Variants in NEGR1 observed in about 807,000 individuals in gnomAD.
The protein encoded by NEGR1 is neuronal growth regulator 1.
A neutral mutation model predicts 40.9 loss-of-function variants in NEGR1; 10 were observed. That is an observed-to-expected ratio of 0.24 (90% CI 0.15 to 0.42). The LOEUF (loss-of-function observed/expected upper bound fraction) is 0.42, where lower values mean the gene tolerates loss of function less well. Among genes scored for constraint, NEGR1 ranks in the 10% least tolerant of loss-of-function variants. The pLI is 1.00. For missense variants in NEGR1, 352 were observed against 438.9 expected, an observed-to-expected ratio of 0.80 and a Z score of 1.77; for synonymous variants, 185 against 166.8, an observed-to-expected ratio of 1.11 and a Z score of -0.84.
intron 6 of NEGR1, among the ~76,000 whole-genome samples, chr1:71,467,309 T>C (rs193180602): frequency 6.6e-6 from 1 of 152,126 alleles, no homozygotes; most frequent in African/African-American, 2.4e-5. Context: ...TTTGCTAAAG[T>C]AGATGTCATT....
chr1:72,013,975 A>T (rs1199527891), intron 1 of NEGR1, among the ~76,000 whole-genome samples: 1 of 138,120 alleles, frequency 7.2e-6, no homozygotes, highest in South Asian at 2.2e-4. Context: ...AAAAAAAAAA[A>T]AAAAAAAAAA....
intron 1 of NEGR1, among the ~76,000 whole-genome samples, chr1:72,142,564 T>TAGAC (rs1210472175): frequency 6.0e-5 from 9 of 150,524 alleles, no homozygotes; most frequent in South Asian, 2.1e-4. Flanking sequence ...GATAGATAGA[T>TAGAC]AGACAGATAG....
At chr1:71,967,247 C>T (rs893423306) in intron 1 of NEGR1, among the ~76,000 whole-genome samples, 35 of 152,030 alleles carry the variant, frequency 2.3e-4, no homozygotes, top group African/African-American at 8.2e-4. Flanking sequence ...CAAATAAATG[C>T]CACAACTCTG....
intron 4 of NEGR1, among the ~76,000 whole-genome samples, chr1:71,695,647 A>G (rs1025276184): frequency 7.9e-5 from 12 of 151,832 alleles, no homozygotes; most frequent in Non-Finnish European, 1.2e-4. Context: ...GAATGTCTTC[A>G]GGCTCTACCT....
At chr1:72,139,520 C>G in intron 1 of NEGR1, among the ~76,000 whole-genome samples, 2 of 152,024 alleles carry the variant, frequency 1.3e-5, no homozygotes, top group South Asian at 4.2e-4. Context: ...TTTATGCCAA[C>G]AAATTTAACA....
intron 4 of NEGR1, among the ~76,000 whole-genome samples, chr1:71,630,377 G>A (rs949616278): frequency 3.3e-5 from 5 of 151,892 alleles, no homozygotes; most frequent in African/African-American, 9.7e-5. Flanking sequence ...TTGGTAAAGT[G>A]TTAAATGGGG....
chr1:71,958,798 A>C (rs1048365023), intron 1 of NEGR1, among the ~76,000 whole-genome samples: 16 of 151,312 alleles, frequency 1.1e-4, no homozygotes, highest in Non-Finnish European at 1.0e-4. Flanking sequence ...TTAAAAATAC[A>C]AAAAAAATGA....
At chr1:71,531,913 A>AT (rs1647368335) in intron 6 of NEGR1, among the ~76,000 whole-genome samples, 1 of 150,170 alleles carries the variant, frequency 6.7e-6, no homozygotes, top group African/African-American at 2.5e-5. Context: ...TTTGAGATAG[A>AT]ATTTTTTTTT....
chr1:71,983,260 C>T (rs1646368795), intron 1 of NEGR1, among the ~76,000 whole-genome samples: 2 of 152,092 alleles, frequency 1.3e-5, no homozygotes, highest in South Asian at 4.2e-4. Context: ...TATTATGAAA[C>T]TTAATAAATA....
intron 1 of NEGR1, among the ~76,000 whole-genome samples, chr1:72,053,113 G>T (rs919639886): frequency 1.3e-5 from 2 of 151,290 alleles, no homozygotes; most frequent in Admixed American, 1.3e-4. Flanking sequence ...CAAATTTGTA[G>T]TCAGGACACA....
intron 1 of NEGR1, among the ~76,000 whole-genome samples, chr1:71,994,464 C>G (rs1200542506): frequency 6.6e-6 from 1 of 151,616 alleles, no homozygotes; most frequent in Non-Finnish European, 1.5e-5. Flanking sequence ...GGAGGCGGAG[C>G]TTGCAGTGAG....
chr1:72,126,704 G>A (rs892164610), intron 1 of NEGR1, among the ~76,000 whole-genome samples: 3 of 152,080 alleles, frequency 2.0e-5, no homozygotes, highest in African/African-American at 7.2e-5. Context: ...TTTTCATAAA[G>A]ACTGACAGTA....
intron 6 of NEGR1, among the ~76,000 whole-genome samples, chr1:71,410,305 C>T (rs552362624): frequency 3.0e-4 from 45 of 152,074 alleles, no homozygotes; most frequent in East Asian, 2.7e-3. Flanking sequence ...AGTTAGTCAC[C>T]ATAATGTGAG....
At chr1:71,664,739 T>A (rs1466185331) in intron 4 of NEGR1, among the ~76,000 whole-genome samples, 4 of 152,042 alleles carry the variant, frequency 2.6e-5, no homozygotes, top group Middle Eastern at 3.4e-3. Flanking sequence ...AAAAAAAATA[T>A]ATATCTCTTT....
At chr1:71,688,977 T>C (rs540780520) in intron 4 of NEGR1, among the ~76,000 whole-genome samples, 39 of 152,266 alleles carry the variant, frequency 2.6e-4, no homozygotes, top group South Asian at 8.3e-4. Flanking sequence ...GTGACTGAGC[T>C]AAGATTAAAA....
chr1:71,886,605 G>A (rs1055211467), intron 2 of NEGR1, among the ~76,000 whole-genome samples: 2 of 152,084 alleles, frequency 1.3e-5, no homozygotes, highest in African/African-American at 4.8e-5. Context: ...CCATCAGTCT[G>A]CTTCTGAAAC....
At position 71,637,916 on chromosome 1, in the gene NEGR1, C is replaced by T. The variant is rs114532664; in HGVS notation, c.668-26770G>A. On this transcript the variant is annotated intron_variant, in intron 4 of 6. Coordinates refer to ENST00000357731, the MANE Select transcript of NEGR1 (RefSeq NM_173808.3). ...ATAATTAATCTATACTAAGCATATACTATTTGCCAAAACAGCACTAAATTC... is the reference window on the plus strand; with the variant it reads ...ATAATTAATCTATACTAAGCATATATTATTTGCCAAAACAGCACTAAATTC... 8.3e-3 allele frequency among the ~76,000 whole-genome samples: 1,257 copies of T among 152,128 alleles called. 12 individuals carry two copies. Among genetic ancestry groups the T allele is most frequent in the African/African-American group, 0.029 (1,193 of 41,538 alleles).
chr1:71,712,297 C>A (rs977454692), intron 3 of NEGR1, among the ~76,000 whole-genome samples: 1 of 152,178 alleles, frequency 6.6e-6, no homozygotes, highest in African/African-American at 2.4e-5. Context: ...TCCTAAGAAA[C>A]CACATCAAAA....
Position 72,274,942 on chromosome 1 carries a change from T to G in NEGR1, c.176+7377A>C, listed in dbSNP as rs1655987065. 4 of 1,541,602 alleles carry G rather than the reference T, an allele frequency of 2.6e-6. No homozygotes were observed. In the Admixed American group the frequency reaches 5.0e-5, roughly 19 times the overall value. On this transcript the variant is annotated intron_variant, in intron 1 of 6. Coordinates refer to ENST00000357731, the MANE Select transcript of NEGR1 (RefSeq NM_173808.3). ...AGATATCTACGTCTGCATGATCTCCTTTGCGCACGATGTAGCAGCACAAGG... is the reference window on the plus strand; with the variant it reads ...AGATATCTACGTCTGCATGATCTCCGTTGCGCACGATGTAGCAGCACAAGG...
Sources: allele counts gnomAD v4.1 joint callset (sites outside exome capture counted in the v4.1 genomes callset), GRCh38; gene constraint gnomAD v4.1.1; transcripts MANE v1.5; gene names NCBI Gene and HGNC (gene_info 2026-07-23, HGNC 2026-07-21).